The following PDE4D variants were observed in gnomAD, a reference collection of about 807,000 sequenced individuals.
PDE4D encodes the protein phosphodiesterase 4D.
Under a neutral mutation model 87.4 loss-of-function variants are expected in PDE4D, and 24 were observed. That is an observed-to-expected ratio of 0.27 (90% CI 0.20 to 0.39). The LOEUF (loss-of-function observed/expected upper bound fraction) is 0.39, where lower values mean the gene tolerates loss of function less well. Ranked by LOEUF, PDE4D falls within the 10% of genes least tolerant of loss-of-function variation. The pLI, the probability that PDE4D is intolerant of heterozygous loss-of-function variation, is 1.00. For missense variants in PDE4D, 714 were observed against 1,041.0 expected, an observed-to-expected ratio of 0.69 and a Z score of 4.32; for synonymous variants, 384 against 383.2, an observed-to-expected ratio of 1.00 and a Z score of -0.02.
At chr5:60,146,860 T>G (rs1400143308) in intron 2 of PDE4D, among the ~76,000 whole-genome samples, 1 of 152,100 alleles carries the variant, frequency 6.6e-6, no homozygotes, top group African/African-American at 2.4e-5. Flanking sequence ...GGCCAACAGA[T>G]ATATGAAAAA....
chr5:59,137,700 G>A (rs1034279167), intron 5 of PDE4D, among the ~76,000 whole-genome samples: 6 of 151,966 alleles, frequency 3.9e-5, no homozygotes, highest in Admixed American at 3.9e-4. Context: ...CTAATTTTTT[G>A]TATTTTTAGT....
At chr5:60,402,566 G>A (rs1741185235) in intron 1 of PDE4D, among the ~76,000 whole-genome samples, 1 of 152,238 alleles carries the variant, frequency 6.6e-6, no homozygotes, top group African/African-American at 2.4e-5. Context: ...GCTTCTGGCA[G>A]TCCGTGGTTG....
intron 1 of PDE4D, among the ~76,000 whole-genome samples, chr5:59,431,436 T>C (rs571365656): frequency 1.4e-4 from 21 of 152,198 alleles, no homozygotes; most frequent in African/African-American, 5.1e-4. Flanking sequence ...TGAAAAATTA[T>C]TTCTTATCCA....
At chr5:59,484,195 C>T (rs915524381) in intron 1 of PDE4D, among the ~76,000 whole-genome samples, 1 of 152,162 alleles carries the variant, frequency 6.6e-6, no homozygotes, top group Non-Finnish European at 1.5e-5. Context: ...CCATGACAGG[C>T]AGGTTCTTAG....
rs141506582 is a variant in PDE4D at position 59,367,856 on chromosome 5, C to A, written c.456-151888G>T. ...TAGATGTAAAGAAATCCACTTCGTGCCAGTTTGCAAGGAAATTTTCCTTTA... is the reference window on the plus strand; with the variant it reads ...TAGATGTAAAGAAATCCACTTCGTGACAGTTTGCAAGGAAATTTTCCTTTA... On this transcript the variant is annotated intron_variant, in intron 1 of 14. Transcript: ENST00000340635. Among the ~76,000 whole-genome samples, 450 of 152,250 alleles carry A rather than the reference C, an allele frequency of 3.0e-3. 3 individuals are homozygous for A. The highest frequency in any genetic ancestry group is 0.01 in the African/African-American group (433 of 41,550).
intron 1 of PDE4D, among the ~76,000 whole-genome samples, chr5:60,316,719 G>A (rs575259893): frequency 6.6e-6 from 1 of 152,222 alleles, no homozygotes; most frequent in Admixed American, 6.5e-5. Context: ...TTTTGTCAAA[G>A]GCCTTTTCTG....
chr5:59,000,280 G>A (rs1299900458), intron 6 of PDE4D, among the ~76,000 whole-genome samples: 2 of 152,214 alleles, frequency 1.3e-5, no homozygotes, highest in East Asian at 3.9e-4. Context: ...ATGTCCTCTG[G>A]CTTCCCTTCC....
At chr5:58,978,815 A>G (rs373091287) in intron 11 of PDE4D, among the ~76,000 whole-genome samples, 38 of 152,290 alleles carry the variant, frequency 2.5e-4, no homozygotes, top group East Asian at 2.1e-3. Context: ...GTGAACTTTT[A>G]TAGTGTCTAT....
intron 1 of PDE4D, among the ~76,000 whole-genome samples, chr5:59,522,520 T>C (rs959889247): frequency 1.3e-5 from 2 of 152,228 alleles, no homozygotes; most frequent in African/African-American, 4.8e-5. Flanking sequence ...AGCTGCACAT[T>C]AACTAACTCA....
chr5:59,005,286 T>G (rs1456946270), intron 6 of PDE4D, among the ~76,000 whole-genome samples: 1 of 152,210 alleles, frequency 6.6e-6, no homozygotes, highest in Non-Finnish European at 1.5e-5. Context: ...AACTATTATG[T>G]GCCAGGCATT....
chr5:60,345,491 T>G (rs897938297), intron 1 of PDE4D, among the ~76,000 whole-genome samples: 2 of 148,724 alleles, frequency 1.3e-5, no homozygotes, highest in African/African-American at 5.0e-5. Context: ...TAAGAAGCAA[T>G]GAAAAGAAAA....
intron 5 of PDE4D, among the ~76,000 whole-genome samples, chr5:59,074,024 A>T (rs1765291521): frequency 6.6e-6 from 1 of 152,204 alleles, no homozygotes; most frequent in East Asian, 1.9e-4. Flanking sequence ...CTACCTTCTT[A>T]TTATATAATT....
At chr5:59,548,296 G>C (rs1817599335) in intron 1 of PDE4D, among the ~76,000 whole-genome samples, 1 of 152,136 alleles carries the variant, frequency 6.6e-6, no homozygotes, top group Non-Finnish European at 1.5e-5. Flanking sequence ...TATGATGCAA[G>C]TTCACTCTTG....
Position 59,757,408 on chromosome 5 carries a change from C to A in PDE4D, c.455+135760G>T, listed in dbSNP as rs560167841. Reference sequence around the variant, plus strand: ...GAAACACTATTTCTGAGAAGAAAGACAACAATATTAGCTTCTAGTCCCAGA... The same window carrying A: ...GAAACACTATTTCTGAGAAGAAAGAAAACAATATTAGCTTCTAGTCCCAGA... On this transcript the variant is annotated intron_variant, in intron 1 of 14. Transcript: ENST00000340635. Among the ~76,000 whole-genome samples the A allele has an allele frequency of 2.0e-5, 3 of 152,188 alleles. No homozygotes were observed. In the East Asian group the frequency reaches 5.8e-4, roughly 29 times the overall value.
At chr5:60,387,336 C>T (rs1386234553) in intron 1 of PDE4D, among the ~76,000 whole-genome samples, 2 of 152,196 alleles carry the variant, frequency 1.3e-5, no homozygotes, top group East Asian at 1.9e-4. Context: ...ATCCCAATGA[C>T]GTCAATGTTA....
chr5:59,071,038 C>T (rs1472005141), intron 5 of PDE4D, among the ~76,000 whole-genome samples: 1 of 152,204 alleles, frequency 6.6e-6, no homozygotes, highest in Non-Finnish European at 1.5e-5. Context: ...GCTCGCACCT[C>T]AGAAATAATC....
chr5:60,196,486 C>T (rs1741231250), intron 1 of PDE4D, among the ~76,000 whole-genome samples: 2 of 151,678 alleles, frequency 1.3e-5, no homozygotes, highest in African/African-American at 4.8e-5. Flanking sequence ...ATACACCCTC[C>T]CACTGCCTCA....
intron 3 of PDE4D, among the ~76,000 whole-genome samples, chr5:59,936,850 C>G (rs1010160272): frequency 6.6e-6 from 1 of 152,052 alleles, no homozygotes; most frequent in Non-Finnish European, 1.5e-5. Context: ...CTTTTAATGA[C>G]AAAATAAAGA....
At chr5:59,465,217 C>T (rs1258896395) in intron 1 of PDE4D, among the ~76,000 whole-genome samples, 1 of 152,196 alleles carries the variant, frequency 6.6e-6, no homozygotes, top group Non-Finnish European at 1.5e-5. Context: ...CCATTCAGTA[C>T]TGTTTCCTAC....
Sources: allele counts gnomAD v4.1 joint callset (sites outside exome capture counted in the v4.1 genomes callset), GRCh38; gene constraint gnomAD v4.1.1; transcripts MANE v1.5; gene names NCBI Gene and HGNC (gene_info 2026-07-23, HGNC 2026-07-21).